The following VPS13B variants were observed in gnomAD, a reference collection of about 807,000 sequenced individuals.
VPS13B encodes the protein vacuolar protein sorting 13 homolog B.
Under a neutral mutation model 426.4 loss-of-function variants are expected in VPS13B, and 285 were observed. The ratio of observed to expected loss-of-function variants is 0.67; its 90% CI spans 0.61 to 0.74. The LOEUF is 0.74. Ranked by LOEUF, VPS13B falls within the 30% of genes least tolerant of loss-of-function variation. VPS13B has a pLI of 0.00. For synonymous variants in VPS13B, 1,676 were observed against 1,676.4 expected (o/e 1.00, Z 0.01); for missense variants, 4,537 against 4,782.6 (o/e 0.95, Z 1.51).
At chr8:99,676,004 G>T (rs1262496979) in intron 35 of VPS13B, among the ~76,000 whole-genome samples, 4 of 150,424 alleles carry the variant, frequency 2.7e-5, no homozygotes, top group African/African-American at 9.8e-5. Context: ...TTCTAGTTTT[G>T]TTTTTTTTTA....
intron 19 of VPS13B, among the ~76,000 whole-genome samples, chr8:99,358,535 A>T (rs1203703939): frequency 6.6e-6 from 1 of 152,210 alleles, no homozygotes; most frequent in Non-Finnish European, 1.5e-5. Context: ...ACACAAACCA[A>T]ATATTTATTC....
At chr8:99,125,475 G>A (rs1038959599) in intron 8 of VPS13B, among the ~76,000 whole-genome samples, 18 of 152,032 alleles carry the variant, frequency 1.2e-4, no homozygotes, top group African/African-American at 4.8e-5. Flanking sequence ...AAACTCCTTC[G>A]GCAGCACCCT....
At chr8:99,018,876 T>C (rs1841749165) in intron 2 of VPS13B, among the ~76,000 whole-genome samples, 1 of 152,200 alleles carries the variant, frequency 6.6e-6, no homozygotes, top group Non-Finnish European at 1.5e-5. Flanking sequence ...GTTAATGTGG[T>C]AAATTACATT....
At chr8:99,566,099 A>C (rs2133787241) in intron 31 of VPS13B, among the ~76,000 whole-genome samples, 1 of 152,314 alleles carries the variant, frequency 6.6e-6, no homozygotes, top group Non-Finnish European at 1.5e-5. Flanking sequence ...CTTAGCAGCC[A>C]GCAGATATCT....
chr8:99,530,798 A>G (rs1048572524), intron 30 of VPS13B, among the ~76,000 whole-genome samples: 1 of 152,100 alleles, frequency 6.6e-6, no homozygotes, highest in Non-Finnish European at 1.5e-5. Flanking sequence ...TTTAGAAATA[A>G]AATATTCAGT....
intron 23 of VPS13B, among the ~76,000 whole-genome samples, chr8:99,446,392 T>C (rs1217699253): frequency 1.3e-5 from 2 of 152,158 alleles, no homozygotes; most frequent in African/African-American, 2.4e-5. Context: ...CGTTTGTCCT[T>C]TTCCTCTGGG....
chr8:99,814,287 C>T (rs1353711425), intron 44 of VPS13B, among the ~76,000 whole-genome samples: 2 of 152,166 alleles, frequency 1.3e-5, no homozygotes, highest in Non-Finnish European at 2.9e-5. Flanking sequence ...TTTGAAGTTA[C>T]AAAATATGCT....
At position 99,868,475 on chromosome 8, in the gene VPS13B, T is replaced by C. The variant is rs1817215651; in HGVS notation, c.11392+10T>C. On this transcript the variant is annotated intron_variant, in intron 59 of 61. Coordinates refer to ENST00000357162, the MANE Select transcript of VPS13B (RefSeq NM_152564.5). ...TCACAGACTGGCTATGGTAAGTCGG[T>C]GGAAAACCCATCAGGCCAACCCAGA... is the stretch of plus-strand genomic sequence containing the variant. 6.2e-7 allele frequency: 1 copy of C among 1,605,032 alleles called. No individual in the cohort carries two copies. Among genetic ancestry groups the C allele is most frequent in the Non-Finnish European group, 8.5e-7 (1 of 1,175,766 alleles).
At chr8:99,317,419 A>G (rs1331556124) in intron 19 of VPS13B, among the ~76,000 whole-genome samples, 2 of 152,208 alleles carry the variant, frequency 1.3e-5, no homozygotes, top group Non-Finnish European at 2.9e-5. Flanking sequence ...AAGTATGCAT[A>G]CAAATCACAA....
intron 17 of VPS13B, among the ~76,000 whole-genome samples, chr8:99,215,007 C>A (rs545501025): frequency 6.6e-6 from 1 of 152,166 alleles, no homozygotes; most frequent in South Asian, 2.1e-4. Context: ...TCCTTTGGAG[C>A]CCACCTTAAA....
At position 99,490,841 on chromosome 8, in the gene VPS13B, T is replaced by TC. The variant is rs796687260; in HGVS notation, c.3870+9040dup. Among the ~76,000 whole-genome samples, 77 of 152,292 alleles carry TC rather than the reference T, an allele frequency of 5.1e-4. 1 individual carries two copies. The highest frequency in any genetic ancestry group is 3.4e-3 in the Middle Eastern group (1 of 294). Reference sequence around the variant, plus strand: ...TGGTCTATCTACTCTGTTGATCTTTTCAAAAAACGAGCTCTTGGATTCACT... The same window carrying TC: ...TGGTCTATCTACTCTGTTGATCTTTTCCAAAAAACGAGCTCTTGGATTCACT... On this transcript the variant is annotated intron_variant, in intron 25 of 61. Transcript: ENST00000357162.
chr8:99,799,832 G>A (rs966031195), intron 43 of VPS13B, among the ~76,000 whole-genome samples: 1 of 152,112 alleles, frequency 6.6e-6, no homozygotes, highest in African/African-American at 2.4e-5. Context: ...TTTCTCTATT[G>A]TTTGTATTTT....
intron 19 of VPS13B, among the ~76,000 whole-genome samples, chr8:99,344,818 T>C (rs1811450234): frequency 6.6e-6 from 1 of 152,178 alleles, no homozygotes; most frequent in Non-Finnish European, 1.5e-5. Flanking sequence ...CTTTCCAATT[T>C]TTTATATAAT....
At chr8:99,136,315 A>G (rs1260480600) in intron 11 of VPS13B, among the ~76,000 whole-genome samples, 1 of 152,100 alleles carries the variant, frequency 6.6e-6, no homozygotes, top group Non-Finnish European at 1.5e-5. Flanking sequence ...CATGATATGA[A>G]GTATTTAAGG....
intron 18 of VPS13B, 121 bp from the exon 19 acceptor site, chr8:99,274,960 A>C: frequency 1.1e-6 from 1 of 873,892 alleles, no homozygotes; most frequent in Non-Finnish European, 1.7e-6. Context: ...TTAAATGTAT[A>C]GCTAATATTA....
intron 35 of VPS13B, among the ~76,000 whole-genome samples, chr8:99,686,272 G>A (rs771717901): frequency 2.6e-5 from 4 of 152,160 alleles, no homozygotes; most frequent in Non-Finnish European, 4.4e-5. Flanking sequence ...CACAAGCACC[G>A]TGGCCACCAC....
chr8:99,264,189 A>C (rs1404742370), intron 17 of VPS13B, among the ~76,000 whole-genome samples: 1 of 150,900 alleles, frequency 6.6e-6, no homozygotes, highest in Non-Finnish European at 1.5e-5. Flanking sequence ...GTGTGAGATA[A>C]TTACTTTTAA....
intron 8 of VPS13B, among the ~76,000 whole-genome samples, chr8:99,131,967 G>A (rs928498704): frequency 6.6e-6 from 1 of 152,070 alleles, no homozygotes; most frequent in Non-Finnish European, 1.5e-5. Context: ...TATGATTTTG[G>A]CTCACTGCAA....
intron 17 of VPS13B, among the ~76,000 whole-genome samples, chr8:99,226,296 C>T (rs190298793): frequency 4.7e-4 from 71 of 152,254 alleles, no homozygotes; most frequent in African/African-American, 1.6e-3. Flanking sequence ...TCTGCTTAAC[C>T]TGTTTTCCAT....
Sources: gnomAD v4.1 joint callset for allele counts (sites outside exome capture counted in the v4.1 genomes callset) on GRCh38, gnomAD v4.1.1 for gene constraint, MANE v1.5 for transcripts, NCBI Gene and HGNC (gene_info 2026-07-23, HGNC 2026-07-21) for gene names.